The following NUP58 variants were observed in gnomAD, a reference collection of about 807,000 sequenced individuals.
NUP58 encodes the protein nucleoporin p58/p45.
NUP58 carries 17 observed loss-of-function variants against 70.1 expected under a neutral mutation model. The observed-to-expected ratio is 0.24, with a 90% CI of 0.17 to 0.36. The LOEUF is 0.36. Among genes scored for constraint, NUP58 ranks in the 10% least tolerant of loss-of-function variants. The pLI is 1.00. For missense variants in NUP58, 644 were observed against 701.5 expected (o/e 0.92, Z 0.93); for synonymous variants, 275 against 257.6 (o/e 1.07, Z -0.65).
chr13:25,312,787 A>G (rs976835357), intron 3 of NUP58, 96 bp from the exon 4 acceptor site: 44 of 1,227,192 alleles, frequency 3.6e-5, no homozygotes, highest in Non-Finnish European at 4.5e-5. Flanking sequence ...AGTATCATGA[A>G]CTTTTAAGGA....
At chr13:25,329,857 C>T (rs2031540406) in intron 12 of NUP58, among the ~76,000 whole-genome samples, 1 of 152,132 alleles carries the variant, frequency 6.6e-6, no homozygotes, top group Non-Finnish European at 1.5e-5. Flanking sequence ...AGGGCTTGCT[C>T]TGTTGCCTAT....
At chr13:25,339,931 T>C in intron 15 of NUP58, 34 bp from the exon 16 acceptor site, 2 of 1,524,092 alleles carry the variant, frequency 1.3e-6, no homozygotes, top group African/African-American at 2.8e-5. Context: ...GGAATTCAAC[T>C]TCTGATATGA....
At chr13:25,306,393 C>CAA (rs1030000370) in intron 1 of NUP58, among the ~76,000 whole-genome samples, 620 of 55,204 alleles carry the variant, frequency 0.011, 7 homozygotes, top group African/African-American at 0.033. Flanking sequence ...GACTCCGTCT[C>CAA]AAAAAAAAAA....
In NUP58 at chr13:25,327,032, A is replaced by C; in HGVS notation, c.1148A>C (p.Gln383Pro). The C allele has an allele frequency of 2.0e-6, 3 of 1,531,542 alleles. No homozygotes were observed. Among genetic ancestry groups the C allele is most frequent in the Non-Finnish European group, 2.7e-6 (3 of 1,111,720 alleles). The allele number at this position is 1,531,542 out of a possible 1,614,324, so 94.9% of individuals were successfully genotyped here. A position where few individuals can be genotyped will look rare whatever the true frequency, so the allele number is the denominator to read the frequency against. Residue 383 changes from glutamine to proline, a missense_variant and splice_region_variant, in exon 11 of 16, where the codon CAA becomes CCA. This residue lies in a region of NUP58 where 78 missense variants were observed against 71.3 expected (regional missense o/e 1.09). Transcript: ENST00000381736. ...TQANNSHITP[Q>P]DLSMAMQKIY... ...GCAAATAATTCACATATAACCCCTC[A>C]AGGTAACATGCTTACTGTGGTAATT...
At chr13:25,313,349 G>T (rs922889016) in intron 4 of NUP58, among the ~76,000 whole-genome samples, 1 of 152,150 alleles carries the variant, frequency 6.6e-6, no homozygotes, top group East Asian at 1.9e-4. Context: ...TGAAGTTGGT[G>T]GCCTGGGTTG....
At chr13:25,329,959 G>C (rs2031545389) in intron 12 of NUP58, among the ~76,000 whole-genome samples, 1 of 152,060 alleles carries the variant, frequency 6.6e-6, no homozygotes, top group African/African-American at 2.4e-5. Flanking sequence ...CTCTTGAGTA[G>C]CTAGGACTAC....
In NUP58 at chr13:25,332,363, T is replaced by C. The variant is rs754379275; in HGVS notation, c.1435+805T>C. 32 of 985,316 alleles carry C rather than the reference T, an allele frequency of 3.2e-5. No homozygotes were observed. In the East Asian group the frequency reaches 3.4e-4, roughly 10 times the overall value. The allele number at this position is 985,316 out of a possible 1,614,324, so 61.0% of individuals were successfully genotyped here. On this transcript the variant is annotated intron_variant, in intron 13 of 15. Coordinates refer to ENST00000381736, the MANE Select transcript of NUP58 (RefSeq NM_014089.4). The stretch of plus-strand genomic sequence containing the variant: ...TGTGTCTTTCGGAGGTTAATAGTTA[T>C]CTTAATCCTGCCATCCCTTTTGTCA...
chr13:25,323,728 A>T lies in NUP58; in HGVS notation c.952-1261A>T, dbSNP rs940061971. ...AAGTAACTTGAGTTTAAATTAAAATAGGATGGTGGTTCTTTTGGGGTAAGT... is the reference window on the plus strand; with the variant it reads ...AAGTAACTTGAGTTTAAATTAAAATTGGATGGTGGTTCTTTTGGGGTAAGT... On this transcript the variant is annotated intron_variant, in intron 9 of 15. Coordinates refer to ENST00000381736, the MANE Select transcript of NUP58 (RefSeq NM_014089.4). Among the ~76,000 whole-genome samples, 7 of 152,144 alleles carry T rather than the reference A, an allele frequency of 4.6e-5. No homozygotes were observed. The South Asian group carries it at 1.5e-3, about 32-fold the overall frequency.
chr13:25,316,929 G>T (rs2030957499), intron 6 of NUP58, among the ~76,000 whole-genome samples: 1 of 152,052 alleles, frequency 6.6e-6, no homozygotes, highest in Non-Finnish European at 1.5e-5. Flanking sequence ...AAATATTTAT[G>T]TACACACAAA....
intron 3 of NUP58, among the ~76,000 whole-genome samples, chr13:25,349,058 C>T (rs927491429): frequency 2.6e-5 from 4 of 152,100 alleles, no homozygotes; most frequent in Admixed American, 6.5e-5. Context: ...TAACTACCCC[C>T]GACAAAGTTA....
At chr13:25,312,828 T>TA in intron 3 of NUP58, 55 bp from the exon 4 acceptor site, 1 of 1,524,982 alleles carries the variant, frequency 6.6e-7, no homozygotes, top group East Asian at 2.4e-5. Flanking sequence ...ATAGAACACT[T>TA]ACAGGTAAAG....
chr13:25,328,801 A>C (rs1320483785), intron 12 of NUP58, among the ~76,000 whole-genome samples: 1 of 152,106 alleles, frequency 6.6e-6, no homozygotes, highest in Non-Finnish European at 1.5e-5. Context: ...ATGTAATTAA[A>C]CTCTTTAATC....
chr13:25,339,944 A>T (rs1018682780), intron 15 of NUP58, 21 bp from the exon 16 acceptor site: 2 of 1,542,616 alleles, frequency 1.3e-6, no homozygotes, highest in East Asian at 2.4e-5. Flanking sequence ...TGATATGAAT[A>T]TTTTTTTCCC....
intron 7 of NUP58, among the ~76,000 whole-genome samples, chr13:25,319,626 ATTTC>A (rs1231530126): frequency 1.3e-5 from 2 of 152,044 alleles, no homozygotes; most frequent in Non-Finnish European, 2.9e-5. Context: ...ATGTGTGTTT[ATTTC>A]TTTAGTCTGT....
chr13:25,307,920 T>C lies in NUP58; in HGVS notation c.222T>C (p.Thr74=). ...GGCTCTTTGGATCTAAACCTGCCAC[T>C]GGGTTCACTCTAGGAGGAACAAATA... ...GTGLFGSKPA[T]GFTLGGTNTG... The change falls in exon 2 of 16, where the codon ACT becomes ACC. Residue 74 remains threonine, a synonymous_variant. Transcript: ENST00000381736. 1 of 1,614,166 alleles carries C rather than the reference T, an allele frequency of 6.2e-7. No homozygotes were observed. Among genetic ancestry groups the C allele is most frequent in the Middle Eastern group, 1.6e-4 (1 of 6,062 alleles).
In NUP58 at chr13:25,309,362, C is replaced by G; in HGVS notation, c.286+80C>G. 4 of 1,080,076 alleles carry G rather than the reference C, an allele frequency of 3.7e-6. No individual in the cohort carries two copies. In the East Asian group the frequency reaches 9.8e-5, roughly 26 times the overall value. The allele number at this position is 1,080,076 out of a possible 1,614,324, so 66.9% of individuals were successfully genotyped here. A position where few individuals can be genotyped will look rare whatever the true frequency, so the allele number is the denominator to read the frequency against. On this transcript the variant is annotated intron_variant, in intron 3 of 15. Transcript: ENST00000381736. Reference sequence around the variant, plus strand: ...AATTGAGTGATCTTTCTACTCTTCTCTCTTCTAATATTTCACAGAGCTGGA... The same window carrying G: ...AATTGAGTGATCTTTCTACTCTTCTGTCTTCTAATATTTCACAGAGCTGGA...
intron 13 of NUP58, chr13:25,334,032 C>A: frequency 1.0e-6 from 1 of 984,834 alleles, no homozygotes; most frequent in East Asian, 1.1e-4. Context: ...ACTTCTTTGT[C>A]CTCCTTCAAT....
chr13:25,339,757 C>A (rs2031898640), intron 15 of NUP58, among the ~76,000 whole-genome samples: 1 of 152,172 alleles, frequency 6.6e-6, no homozygotes, highest in Admixed American at 6.5e-5. Context: ...TGACCTGCAT[C>A]ACTACACTCT....
At chr13:25,331,230 A>G (rs755158155) in intron 12 of NUP58, 127 bp from the exon 13 acceptor site, 10 of 841,436 alleles carry the variant, frequency 1.2e-5, no homozygotes, top group African/African-American at 6.8e-5. Context: ...TTAGCACTCT[A>G]ATTTGCAGTT....
Sources: allele counts gnomAD v4.1 joint callset (sites outside exome capture counted in the v4.1 genomes callset), GRCh38; gene constraint gnomAD v4.1.1; regional missense constraint gnomAD v4.1.1; transcripts MANE v1.5; gene names NCBI Gene and HGNC (gene_info 2026-07-23, HGNC 2026-07-21).